SUGCT: variants seen among roughly 807,000 people sequenced by gnomAD.
The protein encoded by SUGCT is succinyl-CoA:glutarate-CoA transferase, also known as succinyl-CoA:glutarate CoA-transferase.
Under a neutral mutation model 55.0 loss-of-function variants are expected in SUGCT, and 41 were observed. The observed-to-expected ratio is 0.74, with a 90% CI of 0.58 to 0.97. The LOEUF is 0.97. Ranked by LOEUF, SUGCT falls within the 50% of genes least tolerant of loss-of-function variation. SUGCT has a pLI of 0.00. For synonymous variants in SUGCT, 187 were observed against 200.4 expected, an observed-to-expected ratio of 0.93 and a Z score of 0.56; for missense variants, 568 against 547.8, an observed-to-expected ratio of 1.04 and a Z score of -0.37.
the SUGCT span, among the ~76,000 whole-genome samples, chr7:40,949,046 G>T: frequency 6.6e-6 from 1 of 152,192 alleles, no homozygotes; most frequent in East Asian, 1.9e-4. Context: ...TTCCACTATG[G>T]TTGAAGTAGT....
chr7:40,846,339 G>A (rs934283690), intron 13 of SUGCT, among the ~76,000 whole-genome samples: 1 of 151,154 alleles, frequency 6.6e-6, no homozygotes, highest in African/African-American at 2.4e-5. Context: ...GTATTCGTGA[G>A]TGTCTAAAAT....
intron 12 of SUGCT, among the ~76,000 whole-genome samples, chr7:40,531,900 T>A (rs1348672775): frequency 6.6e-6 from 1 of 152,172 alleles, no homozygotes; most frequent in Admixed American, 6.5e-5. Context: ...GATCTCGATC[T>A]CCTGACCTCA....
chr7:40,179,250 C>T (rs1490349519), intron 1 of SUGCT, among the ~76,000 whole-genome samples: 2 of 151,872 alleles, frequency 1.3e-5, no homozygotes, highest in Non-Finnish European at 2.9e-5. Context: ...TAAAACAAGA[C>T]TTTATTTTTT....
the SUGCT span, among the ~76,000 whole-genome samples, chr7:40,983,108 G>A: frequency 1.3e-5 from 2 of 152,188 alleles, no homozygotes; most frequent in African/African-American, 4.8e-5. Flanking sequence ...TAATGCACAA[G>A]TCGACTGTGT....
intron 9 of SUGCT, among the ~76,000 whole-genome samples, chr7:40,414,475 A>T (rs1346461036): frequency 6.6e-6 from 1 of 152,170 alleles, no homozygotes; most frequent in Non-Finnish European, 1.5e-5. Flanking sequence ...TCCTAAGCAG[A>T]TGAGGGGGGA....
chr7:40,916,195 C>T, the SUGCT span, among the ~76,000 whole-genome samples: 11 of 152,102 alleles, frequency 7.2e-5, no homozygotes, highest in African/African-American at 2.4e-4. Flanking sequence ...TTCTCCATCA[C>T]CTGTTTCTTC....
intron 9 of SUGCT, among the ~76,000 whole-genome samples, chr7:40,322,196 G>A (rs1795791942): frequency 6.6e-6 from 1 of 152,128 alleles, no homozygotes; most frequent in Non-Finnish European, 1.5e-5. Flanking sequence ...TTACCAGGGA[G>A]TTTCACTGTT....
intron 12 of SUGCT, among the ~76,000 whole-genome samples, chr7:40,701,469 C>G (rs1409006924): frequency 1.3e-5 from 2 of 152,176 alleles, no homozygotes; most frequent in East Asian, 1.9e-4. Context: ...AGGACCAGCC[C>G]TCTCCTTTCA....
At chr7:40,999,115 C>T in the SUGCT span, among the ~76,000 whole-genome samples, 1 of 152,108 alleles carries the variant, frequency 6.6e-6, no homozygotes, top group South Asian at 2.1e-4. Flanking sequence ...AACTTTATGT[C>T]TTACTTAGGA....
intron 7 of SUGCT, among the ~76,000 whole-genome samples, chr7:40,240,897 A>G (rs1031169327): frequency 3.9e-5 from 6 of 152,314 alleles, no homozygotes; most frequent in Admixed American, 3.9e-4. Context: ...GTTAAGCATT[A>G]GCCGATTAGC....
chr7:40,936,071 A>G, the SUGCT span, among the ~76,000 whole-genome samples: 205 of 152,216 alleles, frequency 1.3e-3, no homozygotes, highest in Non-Finnish European at 2.3e-3. Flanking sequence ...TGCCCATTTT[A>G]AGTTGAGTTA....
At chr7:40,227,502 C>G (rs1413247965) in intron 6 of SUGCT, among the ~76,000 whole-genome samples, 1 of 152,160 alleles carries the variant, frequency 6.6e-6, no homozygotes, top group Non-Finnish European at 1.5e-5. Flanking sequence ...GTAGCTAGGA[C>G]TACATGTGTG....
At chr7:40,686,283 T>G (rs1784460370) in intron 12 of SUGCT, among the ~76,000 whole-genome samples, 1 of 152,190 alleles carries the variant, frequency 6.6e-6, no homozygotes, top group Non-Finnish European at 1.5e-5. Context: ...TAGTAGCTTG[T>G]GACCTTGAGC....
At chr7:40,565,992 C>CACAT (rs1491317958) in intron 12 of SUGCT, among the ~76,000 whole-genome samples, 1 of 86,680 alleles carries the variant, frequency 1.2e-5, no homozygotes, top group African/African-American at 5.6e-5. Context: ...CACACACACA[C>CACAT]GCACACACAC....
chr7:40,785,957 A>C (rs13225269), intron 13 of SUGCT, among the ~76,000 whole-genome samples: 20,399 of 152,108 alleles, frequency 0.13, 1,581 homozygotes, highest in South Asian at 0.27. Context: ...TAATTAGCTA[A>C]TGGTGGTAAT....
At chr7:40,645,175 C>G (rs1215230392) in intron 12 of SUGCT, among the ~76,000 whole-genome samples, 2 of 152,210 alleles carry the variant, frequency 1.3e-5, no homozygotes, top group Non-Finnish European at 1.5e-5. Context: ...GTTACATGGG[C>G]TGCATCTTAA....
At chr7:40,661,754 T>C (rs34185581) in intron 12 of SUGCT, among the ~76,000 whole-genome samples, 50,520 of 152,006 alleles carry the variant, frequency 0.33, 10,185 homozygotes, top group African/African-American at 0.57. Flanking sequence ...TTCTGAAACA[T>C]GGTCTTTTCA....
At chr7:40,851,372 C>A (rs1306288368) in intron 13 of SUGCT, among the ~76,000 whole-genome samples, 2 of 152,156 alleles carry the variant, frequency 1.3e-5, no homozygotes, top group Non-Finnish European at 2.9e-5. Flanking sequence ...ATAACAAACA[C>A]ATAGCATCTC....
chr7:40,678,680 C>G (rs1388840508), intron 12 of SUGCT, among the ~76,000 whole-genome samples: 1 of 152,078 alleles, frequency 6.6e-6, no homozygotes, highest in Non-Finnish European at 1.5e-5. Flanking sequence ...CAGTAGTGAA[C>G]TATTCATATA....
Sources: allele counts gnomAD v4.1 joint callset (sites outside exome capture counted in the v4.1 genomes callset), GRCh38; gene constraint gnomAD v4.1.1; transcripts MANE v1.5; gene names NCBI Gene and HGNC (gene_info 2026-07-23, HGNC 2026-07-21).